BAIAP2L1: variants seen among roughly 807,000 people sequenced by gnomAD.
The protein encoded by BAIAP2L1 is BAR/IMD domain containing adaptor protein 2 like 1, also known as BAR/IMD domain-containing adapter protein 2-like 1.
BAIAP2L1 carries 35 observed loss-of-function variants against 66.3 expected under a neutral mutation model. That is an observed-to-expected ratio of 0.53 (90% CI 0.40 to 0.70). The LOEUF (loss-of-function observed/expected upper bound fraction) is 0.70. Among genes scored for constraint, BAIAP2L1 ranks in the 30% least tolerant of loss-of-function variants. BAIAP2L1 has a pLI of 0.00. For synonymous variants in BAIAP2L1, 269 were observed against 248.7 expected (o/e 1.08, Z -0.77); for missense variants, 622 against 656.9 (o/e 0.95, Z 0.58).
intron 3 of BAIAP2L1, among the ~76,000 whole-genome samples, chr7:98,328,679 CA>C (rs1158387861): frequency 0.085 from 4,817 of 56,684 alleles, 63 homozygotes; most frequent in South Asian, 0.15. Context: ...GATCCCATCT[CA>C]AAAAAAAAAA....
chr7:98,336,366 C>A (rs1562977703), intron 3 of BAIAP2L1, among the ~76,000 whole-genome samples: 1 of 152,164 alleles, frequency 6.6e-6, no homozygotes, highest in Non-Finnish European at 1.5e-5. Context: ...GTAATCCCAG[C>A]ACTTTGGGAG....
intron 2 of BAIAP2L1, among the ~76,000 whole-genome samples, chr7:98,359,563 G>A (rs1315161119): frequency 1.3e-5 from 2 of 151,904 alleles, no homozygotes; most frequent in Non-Finnish European, 2.9e-5. Context: ...GAGCCATCGC[G>A]CCCGGCCGAC....
chr7:98,354,950 T>G, intron 3 of BAIAP2L1, 92 bp downstream of exon 3: 2 of 909,564 alleles, frequency 2.2e-6, no homozygotes, highest in Non-Finnish European at 1.8e-6. Context: ...CCCAGATCTC[T>G]CCTCTGTTCT....
chr7:98,297,332 G>A (rs928876514), intron 12 of BAIAP2L1, among the ~76,000 whole-genome samples: 1 of 152,214 alleles, frequency 6.6e-6, no homozygotes, highest in African/African-American at 2.4e-5. Flanking sequence ...CGCCCAGGTT[G>A]GGGGACTAGT....
chr7:98,292,982 CTG>C lies in BAIAP2L1; in HGVS notation c.*537_*538del. 8.3e-7 allele frequency: 1 copy of C among 1,198,386 alleles called. No homozygotes were observed. The highest frequency in any genetic ancestry group is 3.3e-5 in the South Asian group (1 of 30,528). The allele number at this position is 1,198,386 out of a possible 1,614,324, so 74.2% of individuals were successfully genotyped here. A position where few individuals can be genotyped will look rare whatever the true frequency, so the allele number is the denominator to read the frequency against. On this transcript the variant is annotated 3_prime_UTR_variant, in exon 14 of 14. Transcript: ENST00000005260. ...AGGGAGGGTGGGGGTTTCTCCATCT[CTG>C]GAAGCTCTACACTTAAACATTTTAA...
At chr7:98,304,072 T>C in intron 12 of BAIAP2L1, 124 bp downstream of exon 12, 6 of 1,048,562 alleles carry the variant, frequency 5.7e-6, no homozygotes, top group Non-Finnish European at 7.8e-6. Flanking sequence ...TCCTCCCTCC[T>C]CCCCGGGGAC....
Position 98,325,095 on chromosome 7 carries a change from T to G in BAIAP2L1, c.215-4797A>C, listed in dbSNP as rs532244265. 1.7e-3 allele frequency among the ~76,000 whole-genome samples: 263 copies of G among 152,292 alleles called. 1 individual carries two copies. Among genetic ancestry groups the G allele is most frequent in the African/African-American group, 6.2e-3 (257 of 41,568 alleles). On this transcript the variant is annotated intron_variant, in intron 3 of 13. Coordinates refer to ENST00000005260, the MANE Select transcript of BAIAP2L1 (RefSeq NM_018842.5). ...ATTAAAGTAAAATTGATTAAAAATA[T>G]CATTGGAGGCCAGGTGCAGTGGCTC...
chr7:98,310,630 T>C, intron 8 of BAIAP2L1, 38 bp from the exon 9 acceptor site: 1 of 1,471,726 alleles, frequency 6.8e-7, no homozygotes, highest in Non-Finnish European at 9.1e-7. Context: ...ATTAGTATAG[T>C]GCAGAACCGG....
At chr7:98,329,396 G>A (rs1330289821) in intron 3 of BAIAP2L1, among the ~76,000 whole-genome samples, 3 of 152,140 alleles carry the variant, frequency 2.0e-5, no homozygotes, top group Non-Finnish European at 4.4e-5. Flanking sequence ...GGCTTGGCAT[G>A]GAGGAGTCTG....
intron 1 of BAIAP2L1, among the ~76,000 whole-genome samples, chr7:98,393,010 T>C (rs1157297391): frequency 1.4e-5 from 2 of 144,342 alleles, no homozygotes; most frequent in East Asian, 2.0e-4. Context: ...AATTTTTGTG[T>C]ATATATATAC....
intron 1 of BAIAP2L1, among the ~76,000 whole-genome samples, chr7:98,390,499 C>T (rs768420592): frequency 8.0e-4 from 122 of 151,686 alleles, no homozygotes; most frequent in Non-Finnish European, 1.4e-3. Flanking sequence ...GAGGCCGAGG[C>T]GGGCGGATCA....
At chr7:98,365,962 A>G (rs1802381495) in intron 1 of BAIAP2L1, among the ~76,000 whole-genome samples, 1 of 152,058 alleles carries the variant, frequency 6.6e-6, no homozygotes, top group South Asian at 2.1e-4. Flanking sequence ...GTGATCCCTG[A>G]TGGCCAGTTT....
chr7:98,368,395 G>A (rs1475778361), intron 1 of BAIAP2L1, among the ~76,000 whole-genome samples: 3 of 152,060 alleles, frequency 2.0e-5, no homozygotes, highest in Non-Finnish European at 2.9e-5. Context: ...CTCCAGCCTG[G>A]GTGACAGAGT....
At chr7:98,398,723 C>T (rs1421687943) in intron 1 of BAIAP2L1, among the ~76,000 whole-genome samples, 26 of 152,070 alleles carry the variant, frequency 1.7e-4, no homozygotes, top group Admixed American at 1.6e-3. Flanking sequence ...GCATTTGTGA[C>T]GCTGCAATTC....
chr7:98,372,752 TTTTTGAGACACAGTCTCG>T (rs1183668834), intron 1 of BAIAP2L1, among the ~76,000 whole-genome samples: 2 of 148,504 alleles, frequency 1.3e-5, no homozygotes, highest in African/African-American at 5.0e-5. Flanking sequence ...TTTTTTTTTT[TTTTTGAGACACAGTCTCG>T]CTCTGTCTCC....
chr7:98,305,054 T>TG (rs1562966156), intron 11 of BAIAP2L1, among the ~76,000 whole-genome samples: 4 of 118,920 alleles, frequency 3.4e-5, no homozygotes, highest in African/African-American at 1.4e-4. Flanking sequence ...TTTGTTTTTT[T>TG]TTTTTTTTTT....
rs145014567 is a variant in BAIAP2L1, at chr7:98,311,556, A to T, written c.807+541T>A. On this transcript the variant is annotated intron_variant, in intron 8 of 13. Coordinates refer to ENST00000005260, the MANE Select transcript of BAIAP2L1 (RefSeq NM_018842.5). ...ACTGTGTCTCAAAAACAAAAAAAAT[A>T]AAAAAAAAACAGTAAGGATAAAATT... is the stretch of plus-strand genomic sequence containing the variant. Among the ~76,000 whole-genome samples the T allele has an allele frequency of 2.1e-3, 310 of 147,494 alleles. 2 individuals carry two copies. Among genetic ancestry groups the T allele is most frequent in the African/African-American group, 7.0e-3 (286 of 40,584 alleles).
At position 98,312,205 on chromosome 7, in the gene BAIAP2L1, G is replaced by C; in HGVS notation, c.699C>G (p.Ile233Met). 1.9e-6 allele frequency: 3 copies of C among 1,614,142 alleles called. No individual in the cohort carries two copies. Among genetic ancestry groups the C allele is most frequent in the Non-Finnish European group, 2.5e-6 (3 of 1,180,026 alleles). Residue 233 changes from isoleucine to methionine, a missense_variant, in exon 8 of 14, where the codon ATC (isoleucine) becomes ATG (methionine). Ile to Met is a conservative substitution (Grantham distance 10, BLOSUM62 1). Transcript: ENST00000005260. ...TATTCATGATTTTCTCTGGCACTTT[G>C]ATGGCATCAACACAGGTCTCCTGCC... ...PRWQETCVDA[I>M]KVPEKIMNMI...
intron 1 of BAIAP2L1, among the ~76,000 whole-genome samples, chr7:98,380,658 CTT>C (rs1802733455): frequency 1.3e-5 from 2 of 151,334 alleles, no homozygotes; most frequent in South Asian, 4.2e-4. Context: ...GTTTCAGACT[CTT>C]GGCCTCAAGC....
Sources: gnomAD v4.1 joint callset for allele counts (sites outside exome capture counted in the v4.1 genomes callset) on GRCh38, gnomAD v4.1.1 for gene constraint, MANE v1.5 for transcripts, NCBI Gene and HGNC (gene_info 2026-07-23, HGNC 2026-07-21) for gene names.